CACNA1A: variants seen among roughly 807,000 people sequenced by gnomAD.
CACNA1A encodes the protein voltage-dependent P/Q-type calcium channel subunit alpha-1A.
CACNA1A carries 57 observed loss-of-function variants against 262.4 expected under a neutral mutation model. That is an observed-to-expected ratio of 0.22 (90% CI 0.18 to 0.27). CACNA1A has a LOEUF of 0.27. CACNA1A is among the 10% of genes least tolerant of loss of function. CACNA1A has a pLI of 1.00. For synonymous variants in CACNA1A, 1,431 were observed against 1,419.3 expected (o/e 1.01, Z -0.18); for missense variants, 2,526 against 3,562.8 (o/e 0.71, Z 7.41).
intron 1 of CACNA1A, among the ~76,000 whole-genome samples, chr19:13,465,309 A>C (rs1413991486): frequency 2.0e-5 from 3 of 152,164 alleles, no homozygotes; most frequent in African/African-American, 7.2e-5. Flanking sequence ...TCAAATCTGA[A>C]ATGTTTCCAA....
chr19:13,274,604 T>C (rs545467275), intron 24 of CACNA1A: 4 of 152,254 alleles, frequency 2.6e-5, no homozygotes, highest in African/African-American at 9.6e-5. Context: ...CCGCTCCAAA[T>C]GTCTACAACT....
At chr19:13,373,232 G>A (rs920358026) in intron 3 of CACNA1A, among the ~76,000 whole-genome samples, 5 of 152,184 alleles carry the variant, frequency 3.3e-5, no homozygotes, top group African/African-American at 7.2e-5. Flanking sequence ...ATCATAGCTC[G>A]CTACAGCATT....
chr19:13,207,858 C>CCGCCTGCTGCTGCTGCTGCTG lies in CACNA1A; in HGVS notation c.6975_6976insCAGCAGCAGCAGCAGCAGGCG (p.Gln2325_Ala2326insGlnGlnGlnGlnGlnGlnAla). 6 of 1,431,230 alleles carry CCGCCTGCTGCTGCTGCTGCTG rather than the reference C, an allele frequency of 4.2e-6. No individual in the cohort carries two copies. In the East Asian group the frequency reaches 1.7e-4, roughly 42 times the overall value. 88.7% of individuals were successfully genotyped at this position (1,431,230 alleles called of 1,614,324 possible). On this transcript the variant is annotated inframe_insertion, in exon 47 of 47. Transcript: ENST00000360228. The surrounding 1 kb of genome is among the most constrained non-coding windows in gnomAD (Gnocchi z 5.7). ...GCCGCCCGGCCCGGCCTGGCCACCG[C>CCGCCTGCTGCTGCTGCTGCTG]CTGCTGCTGCTGCTGCTGCTGCTGC...
intron 10 of CACNA1A, among the ~76,000 whole-genome samples, chr19:13,320,108 G>C (rs1365024983): frequency 6.6e-6 from 1 of 152,086 alleles, no homozygotes; most frequent in African/African-American, 2.4e-5. Context: ...TCATGACCCT[G>C]CCCAGCATTT....
At chr19:13,253,316 CTTTT>C (rs34069029) in intron 29 of CACNA1A, among the ~76,000 whole-genome samples, 4 of 134,822 alleles carry the variant, frequency 3.0e-5, no homozygotes, top group Non-Finnish European at 3.2e-5. Flanking sequence ...CTCCCCCAAC[CTTTT>C]TTTTTTTTTT....
chr19:13,356,602 A>T (rs2059011162), intron 6 of CACNA1A, among the ~76,000 whole-genome samples: 2 of 152,076 alleles, frequency 1.3e-5, no homozygotes, highest in Admixed American at 1.3e-4. Flanking sequence ...CCAGCATCTT[A>T]ATCTGAACCC....
At position 13,467,636 on chromosome 19, in the gene CACNA1A, A is replaced by C. The variant is rs1334497123; in HGVS notation, c.294-12424T>G. On this transcript the variant is annotated intron_variant, in intron 1 of 46. Coordinates refer to ENST00000360228, the MANE Select transcript of CACNA1A (RefSeq NM_001127222.2). ...TTTTTTTTTTGTGAGACAGAGTCTC[A>C]GTCTGTCGCCCAGGCTGGGGCGCAG... Among the ~76,000 whole-genome samples, 3 of 148,316 alleles carry C rather than the reference A, an allele frequency of 2.0e-5. No individual in the cohort carries two copies. In the East Asian group the frequency reaches 6.0e-4, roughly 30 times the overall value.
chr19:13,359,476 G>T (rs1007895454), intron 6 of CACNA1A, 130 bp downstream of exon 6: 3 of 675,944 alleles, frequency 4.4e-6, no homozygotes, highest in East Asian at 2.8e-5. Context: ...CTTCAGTGGG[G>T]CTGTGTTGTC....
At chr19:13,235,582 G>A in intron 32 of CACNA1A, 32 bp downstream of exon 32, 1 of 1,452,068 alleles carries the variant, frequency 6.9e-7, no homozygotes. Flanking sequence ...TGTCTTCTCA[G>A]CCCTGGGCCA....
intron 3 of CACNA1A, among the ~76,000 whole-genome samples, chr19:13,412,451 A>G (rs139747788): frequency 3.3e-5 from 5 of 151,484 alleles, no homozygotes; most frequent in Non-Finnish European, 4.4e-5. Flanking sequence ...AACTCTTTAT[A>G]ATATATTTAT....
Position 13,289,652 on chromosome 19 carries a change from C to T in CACNA1A, c.3090-2686G>A, listed in dbSNP as rs370986594. Among the ~76,000 whole-genome samples the T allele has an allele frequency of 9.9e-4, 151 of 152,194 alleles. 1 individual carries two copies. Among genetic ancestry groups the T allele is most frequent in the African/African-American group, 3.5e-3 (147 of 41,532 alleles). ...AGTTCCTGACCCATAACATGCGGGCCGTAACCTCATTGAGTCTGGCTCTGA... is the reference window on the plus strand; with the variant it reads ...AGTTCCTGACCCATAACATGCGGGCTGTAACCTCATTGAGTCTGGCTCTGA... On this transcript the variant is annotated intron_variant, in intron 19 of 46. Coordinates refer to ENST00000360228, the MANE Select transcript of CACNA1A (RefSeq NM_001127222.2).
At chr19:13,429,279 C>A (rs1037923853) in intron 3 of CACNA1A, among the ~76,000 whole-genome samples, 4 of 151,902 alleles carry the variant, frequency 2.6e-5, no homozygotes, top group Non-Finnish European at 5.9e-5. Flanking sequence ...ACATCCCCAG[C>A]ACGCCTGTCC....
At chr19:13,489,672 T>G (rs527393173) in intron 1 of CACNA1A, among the ~76,000 whole-genome samples, 1 of 152,256 alleles carries the variant, frequency 6.6e-6, no homozygotes, top group Non-Finnish European at 1.5e-5. Flanking sequence ...TCCTCCACCT[T>G]TCCTTTCTCA....
chr19:13,497,798 GC>G (rs1981868039), intron 1 of CACNA1A, among the ~76,000 whole-genome samples: 1 of 151,510 alleles, frequency 6.6e-6, no homozygotes. Context: ...GATTATATAT[GC>G]CATGTGCTTT....
intron 1 of CACNA1A, among the ~76,000 whole-genome samples, chr19:13,467,297 T>C (rs1397501708): frequency 6.6e-6 from 1 of 152,050 alleles, no homozygotes; most frequent in Non-Finnish European, 1.5e-5. Context: ...GCCCATATTC[T>C]TTTCATAATT....
chr19:13,399,394 GAGAAGA>G lies in CACNA1A; in HGVS notation c.540-27621_540-27616del, dbSNP rs74375569. Among the ~76,000 whole-genome samples, 245 of 143,540 alleles carry G rather than the reference GAGAAGA, an allele frequency of 1.7e-3. 1 individual carries two copies. The highest frequency in any genetic ancestry group is 4.8e-3 in the African/African-American group (183 of 38,442). 94.2% of individuals were successfully genotyped at this position (143,540 alleles called of 152,430 possible). A position where few individuals can be genotyped will look rare whatever the true frequency, so the allele number is the denominator to read the frequency against. On this transcript the variant is annotated intron_variant, in intron 3 of 46. Transcript: ENST00000360228. ...TCAGCAGAAGTCCAGATCCAAAAAT[GAGAAGA>G]AGAAGAAGAAGAAGAAGAAGAAGGA... is the stretch of plus-strand genomic sequence containing the variant.
chr19:13,339,733 T>C (rs890251548), intron 6 of CACNA1A, among the ~76,000 whole-genome samples: 2 of 151,226 alleles, frequency 1.3e-5, no homozygotes, highest in South Asian at 4.2e-4. Flanking sequence ...AAAAAAATAT[T>C]AGGATGGTAA....
chr19:13,244,867 C>T, intron 31 of CACNA1A: 1 of 326,754 alleles, frequency 3.1e-6, no homozygotes, highest in Admixed American at 4.4e-5. Context: ...GCTCAGCTTT[C>T]AGAGCTTTTG....
rs1568709569 is a variant in CACNA1A at position 13,497,517 on chromosome 19, AAAAAATATATATATATATATATATAT to A, written c.293+8389_293+8414del. Among the ~76,000 whole-genome samples, 155 of 27,516 alleles carry A rather than the reference AAAAAATATATATATATATATATATAT, an allele frequency of 5.6e-3. 12 individuals carry two copies. Among genetic ancestry groups the A allele is most frequent in the Non-Finnish European group, 8.4e-3 (137 of 16,284 alleles). The allele number at this position is 27,516 out of a possible 152,430, so 18.1% of individuals were successfully genotyped here. Reference sequence around the variant, plus strand: ...AAAAAAAAAAAAAAAAAAAAAAAAAAAAAAATATATATATATATATATATATATATATATATATATATATATATATA... The same window carrying A: ...AAAAAAAAAAAAAAAAAAAAAAAAAAATATATATATATATATATATATATA... On this transcript the variant is annotated intron_variant, in intron 1 of 46. Transcript: ENST00000360228.
Sources: allele counts gnomAD v4.1 joint callset (sites outside exome capture counted in the v4.1 genomes callset), GRCh38; gene constraint gnomAD v4.1.1; non-coding constraint Gnocchi (gnomAD v3.1); transcripts MANE v1.5; gene names NCBI Gene and HGNC (gene_info 2026-07-23, HGNC 2026-07-21).